The following ADGRB3 variants were observed in gnomAD, a reference collection of about 807,000 sequenced individuals.
ADGRB3 encodes brain-specific angiogenesis inhibitor 3.
ADGRB3 carries 37 observed loss-of-function variants against 193.4 expected under a neutral mutation model. That is an observed-to-expected ratio of 0.19 (90% confidence interval 0.15 to 0.25). The LOEUF (loss-of-function observed/expected upper bound fraction) is 0.25. Ranked by LOEUF, ADGRB3 falls within the 10% of genes least tolerant of loss-of-function variation. The probability of loss-of-function intolerance (pLI) is 1.00; values close to 1 mark genes in which losing one functional copy is unlikely to be tolerated. For missense variants in ADGRB3, 1,637 were observed against 1,852.9 expected (o/e 0.88, Z 2.14); for synonymous variants, 690 against 644.2 (o/e 1.07, Z -1.08).
At chr6:69,039,401 A>G (rs919532463) in intron 13 of ADGRB3, among the ~76,000 whole-genome samples, 3 of 152,160 alleles carry the variant, frequency 2.0e-5, no homozygotes, top group Admixed American at 2.0e-4. Context: ...ATCTTGGAAC[A>G]TATCCTCTGT....
At chr6:69,292,014 T>G (rs1767695703) in intron 20 of ADGRB3, among the ~76,000 whole-genome samples, 1 of 152,072 alleles carries the variant, frequency 6.6e-6, no homozygotes. Context: ...CCTTGCCAAG[T>G]TTTCTCTAGT....
chr6:69,360,588 G>A (rs1230717869), intron 28 of ADGRB3, among the ~76,000 whole-genome samples: 4 of 151,908 alleles, frequency 2.6e-5, no homozygotes, highest in African/African-American at 9.7e-5. Flanking sequence ...AGTTGTTTAA[G>A]GACAGGGTAC....
In ADGRB3 at chr6:69,018,406, A is replaced by G. The variant is rs201931731; in HGVS notation, c.2014A>G (p.Ile672Val). The G allele has an allele frequency of 1.8e-4, 290 of 1,601,860 alleles. 5 individuals carry two copies. The East Asian group carries it at 6.0e-3, about 33-fold the overall frequency. ...EDAQQIYPGS[I>V]ELMQVIEDFI... The stretch of plus-strand genomic sequence containing the variant: ...ATTTTTCTAGATTTATCCAGGGTCA[A>G]TAGAGTTAATGCAGGTGATTGAAGA... The change falls in exon 13 of 32, where the codon ATA (isoleucine) becomes GTA (valine). Residue 672 changes from isoleucine (I) to valine (V), a missense_variant. By Grantham distance (29) the Ile-to-Val change is conservative. Around this residue, in one of 7 missense-constraint regions of ADGRB3, gnomAD observed 641 missense variants for 673.9 expected, o/e 0.95. Transcript: ENST00000370598.
At chr6:68,772,565 C>A (rs1582188043) in intron 3 of ADGRB3, among the ~76,000 whole-genome samples, 1 of 151,994 alleles carries the variant, frequency 6.6e-6, no homozygotes, top group East Asian at 1.9e-4. Flanking sequence ...AAATACCATA[C>A]CAGTAATCAA....
chr6:68,851,105 A>C (rs1768390288), intron 3 of ADGRB3, among the ~76,000 whole-genome samples: 1 of 151,944 alleles, frequency 6.6e-6, no homozygotes, highest in Admixed American at 6.6e-5. Context: ...AGTTCTATAA[A>C]GTTCTATCTG....
At chr6:68,924,155 A>G (rs572263526) in intron 3 of ADGRB3, among the ~76,000 whole-genome samples, 1 of 152,206 alleles carries the variant, frequency 6.6e-6, no homozygotes, top group Non-Finnish European at 1.5e-5. Context: ...GCTGATTTAT[A>G]AGAATTCAGT....
intron 3 of ADGRB3, among the ~76,000 whole-genome samples, chr6:68,745,911 A>C (rs1355383168): frequency 1.3e-5 from 2 of 151,946 alleles, no homozygotes; most frequent in Non-Finnish European, 2.9e-5. Flanking sequence ...ACTGTTGATG[A>C]TGATAACTTT....
intron 3 of ADGRB3, among the ~76,000 whole-genome samples, chr6:68,672,350 A>G (rs1175997413): frequency 2.0e-5 from 3 of 150,902 alleles, no homozygotes; most frequent in Non-Finnish European, 4.4e-5. Context: ...TTAATGCATC[A>G]CTAACCGGTT....
At chr6:68,897,317 G>C (rs867457418) in intron 3 of ADGRB3, among the ~76,000 whole-genome samples, 4 of 150,742 alleles carry the variant, frequency 2.7e-5, no homozygotes, top group Middle Eastern at 3.4e-3. Flanking sequence ...CCATGACAGC[G>C]CCACTTGTAT....
intron 3 of ADGRB3, among the ~76,000 whole-genome samples, chr6:68,652,918 A>G (rs1383764420): frequency 6.6e-6 from 1 of 152,144 alleles, no homozygotes; most frequent in Non-Finnish European, 1.5e-5. Flanking sequence ...ATATCAGTAG[A>G]TAATTGAGAT....
chr6:69,076,757 G>A (rs1376821482), intron 17 of ADGRB3, among the ~76,000 whole-genome samples: 2 of 151,664 alleles, frequency 1.3e-5, no homozygotes, highest in Non-Finnish European at 2.9e-5. Flanking sequence ...TTATTTTTTT[G>A]CTTGGTTTGA....
At chr6:68,808,184 G>A (rs1311839718) in intron 3 of ADGRB3, among the ~76,000 whole-genome samples, 1 of 151,978 alleles carries the variant, frequency 6.6e-6, no homozygotes, top group Non-Finnish European at 1.5e-5. Context: ...TTTTACAATA[G>A]ATAAATGTTC....
intron 20 of ADGRB3, among the ~76,000 whole-genome samples, chr6:69,287,475 A>C (rs564885346): frequency 6.6e-6 from 1 of 152,340 alleles, no homozygotes; most frequent in South Asian, 2.1e-4. Flanking sequence ...TCTACATGTA[A>C]CAGAAAGGAA....
At chr6:68,781,879 C>T (rs1364586422) in intron 3 of ADGRB3, among the ~76,000 whole-genome samples, 1 of 152,034 alleles carries the variant, frequency 6.6e-6, no homozygotes, top group Non-Finnish European at 1.5e-5. Flanking sequence ...CAGTGTACCA[C>T]CATAGGGTAT....
intron 17 of ADGRB3, among the ~76,000 whole-genome samples, chr6:69,091,990 C>T (rs965565446): frequency 6.6e-6 from 1 of 152,164 alleles, no homozygotes; most frequent in Non-Finnish European, 1.5e-5. Flanking sequence ...TATAAGCAGT[C>T]TGCAAATGTG....
intron 3 of ADGRB3, among the ~76,000 whole-genome samples, chr6:68,779,365 G>T (rs1415344856): frequency 1.3e-5 from 2 of 150,964 alleles, no homozygotes; most frequent in Non-Finnish European, 3.0e-5. Context: ...CCACAAACAT[G>T]CCCCTTCCCT....
intron 20 of ADGRB3, among the ~76,000 whole-genome samples, chr6:69,279,108 TATATATATATATG>T (rs1767369629): frequency 7.4e-6 from 1 of 135,532 alleles, no homozygotes. Context: ...TATATATATA[TATATATATATATG>T]CTCCTCAACT....
At chr6:68,712,835 G>GT (rs1316320873) in intron 3 of ADGRB3, among the ~76,000 whole-genome samples, 1 of 151,846 alleles carries the variant, frequency 6.6e-6, no homozygotes, top group Admixed American at 6.6e-5. Flanking sequence ...GACAGCTTTA[G>GT]TTTTCAGAGT....
In ADGRB3 at chr6:68,913,641, C is replaced by T. The variant is rs552404208; in HGVS notation, c.758-16918C>T. 2.6e-5 allele frequency among the ~76,000 whole-genome samples: 4 copies of T among 152,282 alleles called. No homozygotes were observed. The South Asian group carries it at 8.3e-4, about 32-fold the overall frequency. ...AACTCTAAAAATCAGAGTGCCTCTC[C>T]TCCTCCAAAGGAACACAGTTCCTCA... On this transcript the variant is annotated intron_variant, in intron 3 of 31. Transcript: ENST00000370598.
Sources: gnomAD v4.1 joint callset for allele counts (sites outside exome capture counted in the v4.1 genomes callset) on GRCh38, gnomAD v4.1.1 for gene constraint, gnomAD v4.1.1 regional missense constraint, MANE v1.5 for transcripts, NCBI Gene and HGNC (gene_info 2026-07-23, HGNC 2026-07-21) for gene names.